Variants in SRGAP3 observed in about 807,000 individuals in gnomAD.
SRGAP3 encodes the protein SLIT-ROBO Rho GTPase-activating protein 3.
A neutral mutation model predicts 121.1 loss-of-function variants in SRGAP3; 39 were observed. The observed-to-expected ratio is 0.32, with a 90% CI of 0.25 to 0.42. The LOEUF is 0.42. Ranked by LOEUF, SRGAP3 falls within the 10% of genes least tolerant of loss-of-function variation. The probability of loss-of-function intolerance (pLI) is 1.00; values close to 1 mark genes in which losing one functional copy is unlikely to be tolerated. For missense variants in SRGAP3, 1,213 were observed against 1,470.6 expected (o/e 0.82, Z 2.86); for synonymous variants, 601 against 570.0 (o/e 1.05, Z -0.77).
At chr3:9,206,916 C>A (rs1038910269) in intron 1 of SRGAP3, among the ~76,000 whole-genome samples, 1 of 152,160 alleles carries the variant, frequency 6.6e-6, no homozygotes, top group Non-Finnish European at 1.5e-5. Flanking sequence ...AGGGCAGGGA[C>A]TTTGCTTTGT....
At chr3:9,073,319 A>T (rs1946807528) in intron 4 of SRGAP3, among the ~76,000 whole-genome samples, 1 of 151,916 alleles carries the variant, frequency 6.6e-6, no homozygotes, top group Non-Finnish European at 1.5e-5. Flanking sequence ...AATTTTTTGT[A>T]TTTTTTGTAG....
intron 1 of SRGAP3, among the ~76,000 whole-genome samples, chr3:9,191,733 T>C (rs943379472): frequency 1.3e-5 from 2 of 152,242 alleles, no homozygotes; most frequent in African/African-American, 4.8e-5. Context: ...CATTGAACGA[T>C]AATCCACAGT....
intron 3 of SRGAP3, among the ~76,000 whole-genome samples, chr3:9,265,203 C>A (rs1436042478): frequency 6.6e-6 from 1 of 152,156 alleles, no homozygotes; most frequent in Non-Finnish European, 1.5e-5. Context: ...CCCTTCCTTA[C>A]ACCTTATACA....
At chr3:9,304,236 T>C (rs1955119614) in intron 3 of SRGAP3, among the ~76,000 whole-genome samples, 1 of 152,202 alleles carries the variant, frequency 6.6e-6, no homozygotes, top group Non-Finnish European at 1.5e-5. Flanking sequence ...GCCTGGCACG[T>C]GGGGGTTGCC....
upstream of SRGAP3, among the ~76,000 whole-genome samples, chr3:9,253,830 C>A (rs1028829577): frequency 2.6e-5 from 4 of 152,164 alleles, no homozygotes; most frequent in Non-Finnish European, 5.9e-5. Context: ...CTCACAATAA[C>A]CCTGGGAGGG....
At chr3:9,231,114 T>A (rs1368215566) in intron 1 of SRGAP3, among the ~76,000 whole-genome samples, 1 of 152,128 alleles carries the variant, frequency 6.6e-6, no homozygotes, top group Non-Finnish European at 1.5e-5. Flanking sequence ...TTTTCCCACT[T>A]CCAGGGGAAA....
At chr3:9,037,982 C>G in intron 11 of SRGAP3, 81 bp downstream of exon 11, 1 of 1,588,418 alleles carries the variant, frequency 6.3e-7, no homozygotes, top group East Asian at 2.2e-5. Context: ...GCTTCTCCAG[C>G]TCCTGGCAGT....
intron 1 of SRGAP3, among the ~76,000 whole-genome samples, chr3:9,198,104 T>C (rs1951965226): frequency 6.6e-6 from 1 of 152,342 alleles, no homozygotes; most frequent in African/African-American, 2.4e-5. Context: ...CTATAGAGAC[T>C]GTCTTTCAAG....
chr3:9,026,851 C>A (rs1944232196), intron 13 of SRGAP3, 84 bp downstream of exon 13: 2 of 1,485,716 alleles, frequency 1.3e-6, no homozygotes, highest in African/African-American at 2.8e-5. Flanking sequence ...TCTTCCAGGA[C>A]AAATTAGAAT....
chr3:9,190,443 A>G lies in SRGAP3; in HGVS notation c.67+58442T>C, dbSNP rs372236493. On this transcript the variant is annotated intron_variant, in intron 1 of 21. Coordinates refer to ENST00000383836, the MANE Select transcript of SRGAP3 (RefSeq NM_014850.4). The stretch of plus-strand genomic sequence containing the variant: ...TCTCGAGTATGACAGGTTGGTCCCA[A>G]AAGGTCCAGTTTTGCTCAAAAGATT... Among the ~76,000 whole-genome samples, 4 of 152,294 alleles carry G rather than the reference A, an allele frequency of 2.6e-5. No homozygotes were observed. The East Asian group carries it at 5.8e-4, about 22-fold the overall frequency.
At chr3:9,219,841 A>T (rs9814669) in intron 1 of SRGAP3, among the ~76,000 whole-genome samples, 1 of 152,310 alleles carries the variant, frequency 6.6e-6, no homozygotes, top group East Asian at 1.9e-4. Context: ...ACAGAGTACA[A>T]AAAAATAAAG....
chr3:9,124,930 A>T lies in SRGAP3; in HGVS notation c.68-13T>A. 6.2e-7 allele frequency: 1 copy of T among 1,613,740 alleles called. No homozygotes were observed. The highest frequency in any genetic ancestry group is 8.5e-7 in the Non-Finnish European group (1 of 1,180,002). On this transcript the variant is annotated splice_polypyrimidine_tract_variant and intron_variant, in intron 1 of 21. Coordinates refer to ENST00000383836, the MANE Select transcript of SRGAP3 (RefSeq NM_014850.4). ...TGCGTGCGGATCTCTGCGGGCACAC[A>T]AGGGTAGGAGCATGAGACTGGTGGT...
chr3:9,064,861 T>TAACAAATA (rs112590835), intron 4 of SRGAP3, among the ~76,000 whole-genome samples: 2 of 149,850 alleles, frequency 1.3e-5, no homozygotes, highest in South Asian at 2.1e-4. Flanking sequence ...TAAAAAATAA[T>TAACAAATA]AATAAATAAA....
chr3:9,236,103 A>C (rs533227943), intron 1 of SRGAP3: 1 of 166,222 alleles, frequency 6.0e-6, no homozygotes, highest in East Asian at 1.2e-4. Context: ...GATTTTAGCC[A>C]CCTCAAACTC....
At chr3:9,054,752 C>T (rs187114407) in intron 8 of SRGAP3, among the ~76,000 whole-genome samples, 119 of 152,332 alleles carry the variant, frequency 7.8e-4, no homozygotes, top group African/African-American at 2.6e-3. Context: ...TATTCCCTCC[C>T]GGAGAGGAGG....
chr3:9,301,442 T>G (rs1402087158), intron 3 of SRGAP3, among the ~76,000 whole-genome samples: 1 of 152,252 alleles, frequency 6.6e-6, no homozygotes, highest in Non-Finnish European at 1.5e-5. Flanking sequence ...AGCTTTAATG[T>G]GTAGAGGCCT....
chr3:9,235,266 C>A (rs561286547), intron 1 of SRGAP3, among the ~76,000 whole-genome samples: 2 of 152,314 alleles, frequency 1.3e-5, no homozygotes, highest in African/African-American at 4.8e-5. Context: ...ATTTTTATAA[C>A]TCTGCCTTAA....
In SRGAP3 at chr3:8,985,255, ATG is replaced by A; in HGVS notation, c.*262_*263del. 8 of 623,882 alleles carry A rather than the reference ATG, an allele frequency of 1.3e-5. No homozygotes were observed. Among genetic ancestry groups the A allele is most frequent in the Admixed American group, 3.5e-5 (1 of 28,772 alleles). The allele number at this position is 623,882 out of a possible 1,614,324, so 38.6% of individuals were successfully genotyped here. A position where few individuals can be genotyped will look rare whatever the true frequency, so the allele number is the denominator to read the frequency against. ...AGAAGCCATGTGGTATTTTGCCTCC[ATG>A]TTAGGGAATGCTGTGGTTGGGGCTG... On this transcript the variant is annotated 3_prime_UTR_variant, in exon 22 of 22. Transcript: ENST00000383836. This position sits in a 1 kb window ranked among gnomAD's most constrained non-coding sequence, Gnocchi z 5.1.
intron 2 of SRGAP3, among the ~76,000 whole-genome samples, chr3:9,110,226 G>A (rs1463955079): frequency 6.8e-6 from 1 of 146,138 alleles, no homozygotes; most frequent in Non-Finnish European, 1.5e-5. Context: ...TGACTCTCCA[G>A]TTTTTGGTTT....
Sources: allele counts gnomAD v4.1 joint callset (sites outside exome capture counted in the v4.1 genomes callset), GRCh38; gene constraint gnomAD v4.1.1; non-coding constraint Gnocchi (gnomAD v3.1); transcripts MANE v1.5; gene names NCBI Gene and HGNC (gene_info 2026-07-23, HGNC 2026-07-21).